Variants in SEMA3D observed in about 807,000 individuals in gnomAD.
SEMA3D encodes the protein semaphorin-3D.
In SEMA3D, 84 loss-of-function variants were observed where a neutral mutation model predicts 100.1. The observed-to-expected ratio is 0.84, with a 90% CI of 0.70 to 1.01. The LOEUF (loss-of-function observed/expected upper bound fraction) is 1.01. Ranked by LOEUF, SEMA3D falls within the 50% of genes least tolerant of loss-of-function variation. SEMA3D has a pLI of 0.00. For synonymous variants in SEMA3D, 312 were observed against 320.7 expected (o/e 0.97, Z 0.29); for missense variants, 875 against 934.1 (o/e 0.94, Z 0.82).
intron 3 of SEMA3D, among the ~76,000 whole-genome samples, chr7:85,102,026 G>T (rs1788761578): frequency 6.6e-6 from 1 of 151,982 alleles, no homozygotes; most frequent in South Asian, 2.1e-4. Flanking sequence ...TTAAGGTCGT[G>T]AGATTAGTGA....
At chr7:85,193,264 G>A in the SEMA3D span, among the ~76,000 whole-genome samples, 1 of 152,072 alleles carries the variant, frequency 6.6e-6, no homozygotes, top group Admixed American at 6.6e-5. Context: ...CAAGTTAATG[G>A]AGGCTTGGAG....
At chr7:85,029,031 T>C (rs1003835707) in intron 12 of SEMA3D, 8 of 446,062 alleles carry the variant, frequency 1.8e-5, no homozygotes, top group African/African-American at 1.6e-4. Context: ...TTTCCCTTGA[T>C]ATTAAAACTG....
chr7:85,047,388 T>C (rs1791040361), intron 9 of SEMA3D, among the ~76,000 whole-genome samples: 1 of 151,844 alleles, frequency 6.6e-6, no homozygotes. Flanking sequence ...AAATCTTATA[T>C]AGACATGTAA....
intron 4 of SEMA3D, among the ~76,000 whole-genome samples, chr7:85,092,662 T>C (rs1394114138): frequency 6.6e-6 from 1 of 152,060 alleles, no homozygotes; most frequent in Non-Finnish European, 1.5e-5. Flanking sequence ...TGAATAATGC[T>C]AAATACTATG....
intron 10 of SEMA3D, chr7:85,041,521 G>A (rs1012801691): frequency 6.6e-6 from 1 of 152,236 alleles, no homozygotes; most frequent in Admixed American, 6.6e-5. Flanking sequence ...TATACTTTAA[G>A]TTGGAAAATA....
intron 3 of SEMA3D, among the ~76,000 whole-genome samples, chr7:85,109,977 T>G (rs1309808712): frequency 6.6e-6 from 1 of 151,964 alleles, no homozygotes; most frequent in Non-Finnish European, 1.5e-5. Flanking sequence ...AAATTGCCTT[T>G]AGACAAACCA....
At chr7:85,014,979 A>C (rs899898397) in intron 16 of SEMA3D, 80 bp downstream of exon 16, 14 of 1,027,304 alleles carry the variant, frequency 1.4e-5, no homozygotes, top group Non-Finnish European at 1.8e-5. Context: ...TCTTTAACTT[A>C]AACTATAAGA....
At chr7:85,030,269 T>C (rs1354324827) in intron 12 of SEMA3D, among the ~76,000 whole-genome samples, 2 of 151,536 alleles carry the variant, frequency 1.3e-5, no homozygotes, top group Non-Finnish European at 2.9e-5. Flanking sequence ...TTTGAGCTAT[T>C]AATAAAAATT....
At chr7:85,154,653 T>C (rs991997285) in intron 1 of SEMA3D, among the ~76,000 whole-genome samples, 2 of 152,136 alleles carry the variant, frequency 1.3e-5, no homozygotes, top group Admixed American at 6.6e-5. Context: ...GAACAGATTG[T>C]CTCCTTGTTT....
intron 1 of SEMA3D, among the ~76,000 whole-genome samples, chr7:85,181,505 T>C (rs925113509): frequency 5.3e-5 from 8 of 152,116 alleles, no homozygotes; most frequent in African/African-American, 1.7e-4. Context: ...TAAATAACCA[T>C]GATAGTATGC....
chr7:85,221,781 CTG>C, the SEMA3D span, among the ~76,000 whole-genome samples: 2 of 151,872 alleles, frequency 1.3e-5, no homozygotes, highest in Admixed American at 6.6e-5. Flanking sequence ...AGAACAAAAA[CTG>C]TGAAGGATTA....
chr7:85,137,356 A>G (rs1173912390), intron 2 of SEMA3D, among the ~76,000 whole-genome samples: 1 of 151,998 alleles, frequency 6.6e-6, no homozygotes, highest in Non-Finnish European at 1.5e-5. Context: ...TAAGACATAT[A>G]TATGGTACAT....
At chr7:85,055,656 A>C in intron 9 of SEMA3D, 61 bp downstream of exon 9, 1 of 87,228 alleles carries the variant, frequency 1.1e-5, no homozygotes, top group African/African-American at 6.0e-5. Flanking sequence ...ATATATATAT[A>C]TATATATATA....
At chr7:85,235,561 T>C in the SEMA3D span, among the ~76,000 whole-genome samples, 1 of 152,212 alleles carries the variant, frequency 6.6e-6, no homozygotes, top group African/African-American at 2.4e-5. Flanking sequence ...AATTTTTCTT[T>C]ATTCTTGATA....
intron 2 of SEMA3D, chr7:85,140,532 A>G (rs1790016013): frequency 1.0e-6 from 1 of 983,882 alleles, no homozygotes; most frequent in African/African-American, 1.7e-5. Flanking sequence ...GTCACTTCAA[A>G]CATCAGCACA....
intron 17 of SEMA3D, among the ~76,000 whole-genome samples, chr7:85,007,668 G>C (rs1789837057): frequency 6.6e-6 from 1 of 151,672 alleles, no homozygotes; most frequent in Non-Finnish European, 1.5e-5. Flanking sequence ...GTAGCCAAAG[G>C]CTGTGTCCCT....
rs148854385 is a variant in SEMA3D, at chr7:85,067,611, C to G, written c.589+580G>C. Reference sequence around the variant, plus strand: ...GAAGTCTTGCTGACATTCCTTGGAACAGACTTCAGACCACACAGTATTGCT... The same window carrying G: ...GAAGTCTTGCTGACATTCCTTGGAAGAGACTTCAGACCACACAGTATTGCT... On this transcript the variant is annotated intron_variant, in intron 7 of 18. Coordinates refer to ENST00000284136, the MANE Select transcript of SEMA3D (RefSeq NM_001384900.1). 2.9e-3 allele frequency among the ~76,000 whole-genome samples: 446 copies of G among 152,294 alleles called. 2 individuals carry two copies. Among genetic ancestry groups the G allele is most frequent in the African/African-American group, 0.01 (416 of 41,590 alleles).
intron 8 of SEMA3D, among the ~76,000 whole-genome samples, chr7:85,061,031 C>A (rs922957683): frequency 6.6e-6 from 1 of 152,154 alleles, no homozygotes; most frequent in Admixed American, 6.5e-5. Flanking sequence ...TGAGTAAACA[C>A]CCTAGTTTGC....
intron 5 of SEMA3D, among the ~76,000 whole-genome samples, chr7:85,075,374 G>T (rs1010478866): frequency 6.6e-6 from 1 of 151,350 alleles, no homozygotes; most frequent in Admixed American, 6.6e-5. Context: ...AGACAAATAT[G>T]GTCCAGGGCA....
Sources: allele counts gnomAD v4.1 joint callset (sites outside exome capture counted in the v4.1 genomes callset), GRCh38; gene constraint gnomAD v4.1.1; transcripts MANE v1.5; gene names NCBI Gene and HGNC (gene_info 2026-07-23, HGNC 2026-07-21).